TAOK1: variants seen among roughly 807,000 people sequenced by gnomAD.
The protein encoded by TAOK1 is TAO kinase 1, also known as serine/threonine-protein kinase TAO1.
TAOK1 carries 21 observed loss-of-function variants against 138.3 expected under a neutral mutation model. The ratio of observed to expected loss-of-function variants is 0.15; its 90% CI spans 0.11 to 0.22. The LOEUF is 0.22. TAOK1 is among the 10% of genes least tolerant of loss of function. The pLI, the probability that TAOK1 is intolerant of heterozygous loss-of-function variation, is 1.00. For synonymous variants in TAOK1, 361 were observed against 398.4 expected, an observed-to-expected ratio of 0.91 and a Z score of 1.12; for missense variants, 651 against 1,227.7, an observed-to-expected ratio of 0.53 and a Z score of 7.02.
intron 9 of TAOK1, among the ~76,000 whole-genome samples, chr17:29,490,271 C>G (rs2031272215): frequency 6.6e-6 from 1 of 151,974 alleles, no homozygotes; most frequent in African/African-American, 2.4e-5. Flanking sequence ...GATATTCCTT[C>G]TAGGACTTCC....
chr17:29,538,833 T>C (rs1187990149), intron 19 of TAOK1, among the ~76,000 whole-genome samples: 1 of 152,244 alleles, frequency 6.6e-6, no homozygotes, highest in Non-Finnish European at 1.5e-5. Flanking sequence ...AAATTATATG[T>C]GAAATATATA....
chr17:29,399,969 T>TGATC (rs1262651788), intron 1 of TAOK1, among the ~76,000 whole-genome samples: 1 of 152,180 alleles, frequency 6.6e-6, no homozygotes, highest in African/African-American at 2.4e-5. Context: ...TGAGTTTAAG[T>TGATC]GATCCTTCTG....
intron 1 of TAOK1, among the ~76,000 whole-genome samples, chr17:29,398,688 C>A (rs1904738452): frequency 6.6e-6 from 1 of 151,802 alleles, no homozygotes; most frequent in African/African-American, 2.4e-5. Context: ...TGCCACCATG[C>A]CTGGCTAATG....
chr17:29,548,375 G>C lies in TAOK1; in HGVS notation c.*5353G>C, dbSNP rs1311268203. On this transcript the variant is annotated 3_prime_UTR_variant, in exon 20 of 20. Coordinates refer to ENST00000261716, the MANE Select transcript of TAOK1 (RefSeq NM_020791.4). The stretch of plus-strand genomic sequence containing the variant: ...CACCATCACTGTTAACTGTTTCCCA[G>C]CAATCTAAACTTTTTGAAGTTTCAG... 6.6e-6 allele frequency: 1 copy of C among 151,924 alleles called. No homozygotes were observed. Among genetic ancestry groups the C allele is most frequent in the East Asian group, 1.9e-4 (1 of 5,196 alleles). The allele number at this position is 151,924 out of a possible 1,614,324, so 9.4% of individuals were successfully genotyped here.
intron 1 of TAOK1, among the ~76,000 whole-genome samples, chr17:29,397,655 T>G (rs1229795807): frequency 7.5e-6 from 1 of 132,818 alleles, no homozygotes; most frequent in Non-Finnish European, 1.6e-5. Flanking sequence ...TATATGTATA[T>G]TCATGTATGA....
chr17:29,468,494 T>C (rs559453367), intron 3 of TAOK1, among the ~76,000 whole-genome samples: 30 of 152,052 alleles, frequency 2.0e-4, no homozygotes, highest in African/African-American at 7.2e-4. Context: ...AGATTATCAG[T>C]TTCTAAAAAA....
Position 29,498,529 on chromosome 17 carries a change from T to C in TAOK1, c.1203+8T>C, listed in dbSNP as rs988612021. Reference sequence around the variant, plus strand: ...GTTATCCATTTAAAACCAGTGAGTATTTGGATTTCAATGAAAGAAATTCAA... The same window carrying C: ...GTTATCCATTTAAAACCAGTGAGTACTTGGATTTCAATGAAAGAAATTCAA... On this transcript the variant is annotated splice_region_variant and intron_variant, in intron 12 of 19. Coordinates refer to ENST00000261716, the MANE Select transcript of TAOK1 (RefSeq NM_020791.4). The C allele has an allele frequency of 1.2e-6, 2 of 1,613,356 alleles. No homozygotes were observed. Among genetic ancestry groups the C allele is most frequent in the Middle Eastern group, 1.6e-4 (1 of 6,062 alleles).
At chr17:29,451,431 C>G in intron 1 of TAOK1, 24 bp from the exon 2 acceptor site, 1 of 1,296,018 alleles carries the variant, frequency 7.7e-7, no homozygotes, top group Non-Finnish European at 1.0e-6. Context: ...CCTTTTCTGA[C>G]TTTTTTTTTC....
intron 15 of TAOK1, chr17:29,514,181 C>T (rs926120977): frequency 3.9e-5 from 6 of 152,120 alleles, no homozygotes; most frequent in African/African-American, 1.4e-4. Flanking sequence ...ATTCCTTTCT[C>T]TTCCCATAGC....
intron 8 of TAOK1, among the ~76,000 whole-genome samples, chr17:29,485,361 A>G (rs549570189): frequency 6.6e-6 from 1 of 152,318 alleles, no homozygotes; most frequent in Admixed American, 6.5e-5. Context: ...TCTCAGCTGG[A>G]TACAGTGGCT....
intron 2 of TAOK1, among the ~76,000 whole-genome samples, chr17:29,457,052 ACGTTCTCCCATTC>A: frequency 7.6e-6 from 1 of 131,842 alleles, no homozygotes; most frequent in Non-Finnish European, 1.6e-5. Flanking sequence ...TATTTCTGTA[ACGTTCTCCCATTC>A]TTTTCTTCTC....
At position 29,547,488 on chromosome 17, in the gene TAOK1, G is replaced by T. The variant is rs977652038; in HGVS notation, c.*4466G>T. ...CCAACACATTAACTTTTTCCTTGGAGATTTATATGGTCCTGCATTTTGTCC... is the reference window on the plus strand; with the variant it reads ...CCAACACATTAACTTTTTCCTTGGATATTTATATGGTCCTGCATTTTGTCC... On this transcript the variant is annotated 3_prime_UTR_variant, in exon 20 of 20. Transcript: ENST00000261716. 1 of 152,082 alleles carries T rather than the reference G, an allele frequency of 6.6e-6. No homozygotes were observed. The highest frequency in any genetic ancestry group is 1.5e-5 in the Non-Finnish European group (1 of 67,982). The allele number at this position is 152,082 out of a possible 1,614,324, so 9.4% of individuals were successfully genotyped here. A position where few individuals can be genotyped will look rare whatever the true frequency, so the allele number is the denominator to read the frequency against.
chr17:29,505,961 A>C (rs888399963), intron 13 of TAOK1, among the ~76,000 whole-genome samples: 6 of 152,204 alleles, frequency 3.9e-5, no homozygotes, highest in Admixed American at 3.9e-4. Flanking sequence ...GTTATCAACA[A>C]GATGAAAGAT....
chr17:29,468,693 G>A (rs1156889079), intron 3 of TAOK1, among the ~76,000 whole-genome samples: 2 of 151,750 alleles, frequency 1.3e-5, no homozygotes, highest in African/African-American at 2.4e-5. Flanking sequence ...GATTACAGGC[G>A]CCTGCCACCA....
At chr17:29,498,575 C>T (rs1300739462) in intron 12 of TAOK1, 54 bp downstream of exon 12, 2 of 1,580,444 alleles carry the variant, frequency 1.3e-6, no homozygotes, top group Admixed American at 3.3e-5. Flanking sequence ...CTGTTTTCTT[C>T]ATCTGTTAGT....
intron 1 of TAOK1, among the ~76,000 whole-genome samples, chr17:29,442,025 T>C (rs2029954412): frequency 6.6e-6 from 1 of 152,066 alleles, no homozygotes; most frequent in Admixed American, 6.6e-5. Flanking sequence ...TTCTTGAAAG[T>C]TGGCTTTGTT....
intron 14 of TAOK1, 48 bp downstream of exon 14, chr17:29,508,180 C>G (rs764283738): frequency 6.5e-7 from 1 of 1,528,250 alleles, no homozygotes. Flanking sequence ...TTTTGAATGT[C>G]TCAGAATTAA....
At chr17:29,499,702 G>A (rs1225711583) in intron 12 of TAOK1, among the ~76,000 whole-genome samples, 2 of 151,632 alleles carry the variant, frequency 1.3e-5, no homozygotes, top group Non-Finnish European at 2.9e-5. Context: ...TGGGATTACA[G>A]GTGTGCACCA....
In TAOK1 at chr17:29,419,196, AT is replaced by A. The variant is rs879771360; in HGVS notation, c.-95+28183del. 1.9e-4 allele frequency among the ~76,000 whole-genome samples: 28 copies of A among 148,356 alleles called. No homozygotes were observed. In the East Asian group the frequency reaches 2.4e-3, roughly 12 times the overall value. Reference sequence around the variant, plus strand: ...AGATTTATCTCTAAGTATTCTGTAAATTTTTTTTTTTCTTTTTGAGATGGAG... The same window carrying A: ...AGATTTATCTCTAAGTATTCTGTAAATTTTTTTTTTCTTTTTGAGATGGAG... On this transcript the variant is annotated intron_variant, in intron 1 of 19. Coordinates refer to ENST00000261716, the MANE Select transcript of TAOK1 (RefSeq NM_020791.4).
Sources: allele counts gnomAD v4.1 joint callset (sites outside exome capture counted in the v4.1 genomes callset), GRCh38; gene constraint gnomAD v4.1.1; transcripts MANE v1.5; gene names NCBI Gene and HGNC (gene_info 2026-07-23, HGNC 2026-07-21).